The following CDK5RAP2 variants were observed in gnomAD, a reference collection of about 807,000 sequenced individuals.
CDK5RAP2 encodes the protein CDK5 regulatory subunit-associated protein 2.
In CDK5RAP2, 147 loss-of-function variants were observed where a neutral mutation model predicts 232.9. The ratio of observed to expected loss-of-function variants is 0.63; its 90% confidence interval spans 0.55 to 0.72. The LOEUF (loss-of-function observed/expected upper bound fraction) is 0.72. Among genes scored for constraint, CDK5RAP2 ranks in the 30% least tolerant of loss-of-function variants. The probability of loss-of-function intolerance (pLI) is 0.00; values close to 1 mark genes in which losing one functional copy is unlikely to be tolerated. For synonymous variants in CDK5RAP2, 833 were observed against 833.7 expected (o/e 1.00, Z 0.01); for missense variants, 2,195 against 2,231.5 (o/e 0.98, Z 0.33).
intron 28 of CDK5RAP2, among the ~76,000 whole-genome samples, chr9:120,414,410 C>T (rs1169843734): frequency 1.3e-5 from 2 of 152,112 alleles, no homozygotes; most frequent in African/African-American, 2.4e-5. Flanking sequence ...GGAAAGATGT[C>T]CAAGATTTAC....
chr9:120,537,985 TG>T (rs1444515481), intron 6 of CDK5RAP2, among the ~76,000 whole-genome samples: 1 of 152,114 alleles, frequency 6.6e-6, no homozygotes, highest in Admixed American at 6.6e-5. Flanking sequence ...CTCCAACACA[TG>T]GGAAAGCACT....
intron 3 of CDK5RAP2, among the ~76,000 whole-genome samples, chr9:120,567,329 A>G: frequency 6.6e-6 from 1 of 152,220 alleles, no homozygotes; most frequent in South Asian, 2.1e-4. Flanking sequence ...AGTAATGAGC[A>G]TTCTAAATTA....
At chr9:120,529,918 C>A in intron 8 of CDK5RAP2, 60 bp downstream of exon 8, 4 of 1,517,670 alleles carry the variant, frequency 2.6e-6, no homozygotes, top group Non-Finnish European at 3.7e-6. Flanking sequence ...CGCATTCCAT[C>A]TCCCACAGAG....
At chr9:120,460,041 T>C (rs1441633773) in intron 19 of CDK5RAP2, among the ~76,000 whole-genome samples, 2 of 152,104 alleles carry the variant, frequency 1.3e-5, no homozygotes, top group African/African-American at 4.8e-5. Flanking sequence ...GGGGTGAGAT[T>C]CTCACAATGC....
chr9:120,457,494 A>G (rs2036846544), intron 20 of CDK5RAP2, among the ~76,000 whole-genome samples: 1 of 152,242 alleles, frequency 6.6e-6, no homozygotes, highest in African/African-American at 2.4e-5. Flanking sequence ...CAGAATTGCC[A>G]CTGACCATGT....
intron 6 of CDK5RAP2, among the ~76,000 whole-genome samples, chr9:120,538,475 T>A (rs762254704): frequency 2.0e-5 from 3 of 151,918 alleles, no homozygotes; most frequent in Non-Finnish European, 4.4e-5. Context: ...TGAGAGTAAA[T>A]AGAAGAAGTG....
chr9:120,524,656 A>G (rs2040821096), intron 11 of CDK5RAP2, among the ~76,000 whole-genome samples: 1 of 152,086 alleles, frequency 6.6e-6, no homozygotes. Flanking sequence ...AAAAAAATTT[A>G]AAAACACAAG....
At chr9:120,490,647 C>A (rs2038854996) in intron 13 of CDK5RAP2, among the ~76,000 whole-genome samples, 1 of 152,232 alleles carries the variant, frequency 6.6e-6, no homozygotes, top group Non-Finnish European at 1.5e-5. Context: ...TGCCCATCCA[C>A]TTAGCCAAAT....
chr9:120,468,040 G>A, intron 17 of CDK5RAP2, 43 bp from the exon 18 acceptor site: 5 of 1,610,520 alleles, frequency 3.1e-6, no homozygotes, highest in Non-Finnish European at 4.2e-6. Context: ...CCCAGCAAGA[G>A]ACTTCAGCTT....
At chr9:120,421,185 T>C (rs1471999449) in intron 26 of CDK5RAP2, among the ~76,000 whole-genome samples, 1 of 152,192 alleles carries the variant, frequency 6.6e-6, no homozygotes, top group African/African-American at 2.4e-5. Context: ...ATGTGCCAGC[T>C]ACATGCTCAA....
At chr9:120,421,479 G>A (rs1009183944) in intron 26 of CDK5RAP2, among the ~76,000 whole-genome samples, 1 of 152,162 alleles carries the variant, frequency 6.6e-6, no homozygotes, top group Non-Finnish European at 1.5e-5. Flanking sequence ...ATACCTCTCT[G>A]CCCACTCGCT....
At chr9:120,575,959 G>GT (rs2043017907) in intron 1 of CDK5RAP2, among the ~76,000 whole-genome samples, 2 of 152,146 alleles carry the variant, frequency 1.3e-5, no homozygotes, top group Admixed American at 6.5e-5. Context: ...TTCTACAGCA[G>GT]TGTTCTTCAA....
intron 14 of CDK5RAP2, among the ~76,000 whole-genome samples, chr9:120,478,783 C>T (rs1477907058): frequency 6.7e-6 from 1 of 148,890 alleles, no homozygotes; most frequent in East Asian, 1.9e-4. Context: ...CCTGAAATAA[C>T]AAACAAACAA....
chr9:120,430,125 G>C lies in CDK5RAP2; in HGVS notation c.3955+7170C>G, dbSNP rs1378506804. 3.3e-5 allele frequency among the ~76,000 whole-genome samples: 5 copies of C among 152,094 alleles called. No individual in the cohort carries two copies. In the South Asian group the frequency reaches 1.0e-3, roughly 32 times the overall value. ...AAAAATTAATTCAAGATGGATTAAA[G>C]ACTTAAATGTTAGACCTAAAACCAT... is the stretch of plus-strand genomic sequence containing the variant. On this transcript the variant is annotated intron_variant, in intron 25 of 37. Transcript: ENST00000349780.
intron 2 of CDK5RAP2, among the ~76,000 whole-genome samples, chr9:120,568,843 A>T (rs974541149): frequency 6.6e-6 from 1 of 152,182 alleles, no homozygotes; most frequent in Non-Finnish European, 1.5e-5. Flanking sequence ...ATCTGTCACA[A>T]CTACTCAAAT....
At chr9:120,448,232 GC>G in intron 21 of CDK5RAP2, 106 bp from the exon 22 acceptor site, 1 of 950,164 alleles carries the variant, frequency 1.1e-6, no homozygotes, top group Non-Finnish European at 1.7e-6. Context: ...CGAACTGGCT[GC>G]CCAGACTTCT....
chr9:120,444,045 C>A (rs2036050339), intron 22 of CDK5RAP2, among the ~76,000 whole-genome samples: 1 of 152,212 alleles, frequency 6.6e-6, no homozygotes, highest in African/African-American at 2.4e-5. Flanking sequence ...GTCTCCTGGG[C>A]AACTGTTTGA....
At chr9:120,479,059 G>C (rs2131575257) in intron 14 of CDK5RAP2, among the ~76,000 whole-genome samples, 1 of 152,186 alleles carries the variant, frequency 6.6e-6, no homozygotes, top group South Asian at 2.1e-4. Flanking sequence ...AGGACACACA[G>C]ACCCAGTTTG....
At position 120,403,630 on chromosome 9, in the gene CDK5RAP2, A is replaced by G. The variant is rs1311925988; in HGVS notation, c.5041+406T>C. On this transcript the variant is annotated intron_variant, in intron 33 of 37. Coordinates refer to ENST00000349780, the MANE Select transcript of CDK5RAP2 (RefSeq NM_018249.6). This position sits in a 1 kb window ranked among gnomAD's most constrained non-coding sequence, Gnocchi z 4.2. Reference sequence around the variant, plus strand: ...TGAGTCTTGAGGAAACGGGACTTCTACCGGCAAAGAGTGGGACAAAGGGGG... The same window carrying G: ...TGAGTCTTGAGGAAACGGGACTTCTGCCGGCAAAGAGTGGGACAAAGGGGG... 6.5e-6 allele frequency: 2 copies of G among 305,816 alleles called. No individual in the cohort carries two copies. Among genetic ancestry groups the G allele is most frequent in the Admixed American group, 4.7e-5 (1 of 21,196 alleles). The allele number at this position is 305,816 out of a possible 1,614,324, so 18.9% of individuals were successfully genotyped here. A position where few individuals can be genotyped will look rare whatever the true frequency, so the allele number is the denominator to read the frequency against.
Sources: gnomAD v4.1 joint callset for allele counts (sites outside exome capture counted in the v4.1 genomes callset) on GRCh38, gnomAD v4.1.1 for gene constraint, Gnocchi (gnomAD v3.1) non-coding constraint, MANE v1.5 for transcripts, NCBI Gene and HGNC (gene_info 2026-07-23, HGNC 2026-07-21) for gene names.